Variants in BDP1 observed in about 807,000 individuals in gnomAD.
BDP1 encodes the protein BDP1 general transcription factor IIIB subunit, also known as transcription factor TFIIIB component B'' homolog.
In BDP1, 169 loss-of-function variants were observed where a neutral mutation model predicts 266.6. The observed-to-expected ratio is 0.63, with a 90% CI of 0.56 to 0.72. BDP1 has a LOEUF of 0.72. Ranked by LOEUF, BDP1 falls within the 30% of genes least tolerant of loss-of-function variation. The probability of loss-of-function intolerance (pLI) is 0.00; values close to 1 mark genes in which losing one functional copy is unlikely to be tolerated. For missense variants in BDP1, 3,015 were observed against 3,053.8 expected (o/e 0.99, Z 0.30); for synonymous variants, 1,090 against 1,022.4 (o/e 1.07, Z -1.26).
In BDP1 at chr5:71,486,360, A is replaced by G; in HGVS notation, c.1070-124A>G. The G allele has an allele frequency of 1.4e-5, 10 of 734,878 alleles. No homozygotes were observed. The South Asian group carries it at 1.9e-4, about 14-fold the overall frequency. 45.5% of individuals were successfully genotyped at this position (734,878 alleles called of 1,614,324 possible). A position where few individuals can be genotyped will look rare whatever the true frequency, so the allele number is the denominator to read the frequency against. On this transcript the variant is annotated intron_variant, in intron 8 of 38. Transcript: ENST00000358731. Reference sequence around the variant, plus strand: ...GTTGCTGAGTGGTGTTCTGTTGTGTATTTGTTTTTCTGTTCTCCTACTGAT... The same window carrying G: ...GTTGCTGAGTGGTGTTCTGTTGTGTGTTTGTTTTTCTGTTCTCCTACTGAT...
Position 71,512,406 on chromosome 5 carries a change from C to A in BDP1, c.4225C>A (p.Gln1409Lys). 1.3e-6 allele frequency: 2 copies of A among 1,560,602 alleles called. No individual in the cohort carries two copies. The highest frequency in any genetic ancestry group is 2.2e-5 in the Admixed American group (1 of 45,202). The change falls in exon 18 of 39, where the codon CAG (glutamine) becomes AAG (lysine). Residue 1409 changes from glutamine (Q) to lysine (K), a missense_variant. Physicochemically the swap from Gln to Lys is moderately conservative, Grantham distance 53 (BLOSUM62 1). This residue lies in a region of BDP1 where 2,383 missense variants were observed against 2,404.9 expected (regional missense o/e 0.99). Transcript: ENST00000358731. ...GATTCAATCTCCAGATGTTCCAGAG[C>A]AGTTTTCAGATATTAATTTAAGGTA... is the stretch of plus-strand genomic sequence containing the variant. ...QGIQSPDVPE[Q>K]FSDINLSKSL...
chr5:71,466,338 T>C (rs1238759811), intron 5 of BDP1, 117 bp downstream of exon 5: 2 of 1,075,380 alleles, frequency 1.9e-6, no homozygotes, highest in East Asian at 4.9e-5. Flanking sequence ...GACGTTCTTA[T>C]TTGCATAATG....
intron 11 of BDP1, among the ~76,000 whole-genome samples, chr5:71,491,948 T>C (rs1763622103): frequency 6.6e-6 from 1 of 152,168 alleles, no homozygotes; most frequent in Non-Finnish European, 1.5e-5. Context: ...TGAACTGAGC[T>C]CAGGTGATCC....
chr5:71,510,684 A>C lies in BDP1; in HGVS notation c.3592A>C (p.Thr1198Pro), dbSNP rs374077239. Residue 1198 changes from threonine (T) to proline (P), a missense_variant, in exon 17 of 39, where the codon ACA becomes CCA. Transcript: ENST00000358731. Reference sequence around the variant, plus strand: ...GATTGATGCTGCTGAGGTAATAGAGACAGATTTGGAAGAAACTGAAAGAGA... The same window carrying C: ...GATTGATGCTGCTGAGGTAATAGAGCCAGATTTGGAAGAAACTGAAAGAGA... ...EVIDAAEVIE[T>P]DLEETEREIS... is the part of the protein sequence containing the mutation. 2 of 1,613,496 alleles carry C rather than the reference A, an allele frequency of 1.2e-6. No individual in the cohort carries two copies. Among genetic ancestry groups the C allele is most frequent in the African/African-American group, 1.3e-5 (1 of 74,802 alleles).
At position 71,524,176 on chromosome 5, in the gene BDP1, T is replaced by A. The variant is rs768367091; in HGVS notation, c.5625T>A (p.Asp1875Glu). 4.3e-6 allele frequency: 7 copies of A among 1,613,966 alleles called. No homozygotes were observed. The African/African-American group carries it at 9.4e-5, about 22-fold the overall frequency. ...CTCTTCGGGCTTCCCAGGAAGAAGA[T>A]GATGATGCTGACGATTTTGAGTCTG... is the stretch of plus-strand genomic sequence containing the variant. Reference protein sequence around the residue: ...LVTLRASQEEDDDADDFESDY... With the variant: ...LVTLRASQEEEDDADDFESDY... Residue 1875 changes from aspartate (D) to glutamate (E), a missense_variant, in exon 25 of 39, where the codon GAT becomes GAA. By Grantham distance (45) the Asp-to-Glu change is conservative. Coordinates refer to ENST00000358731, the MANE Select transcript of BDP1 (RefSeq NM_018429.3).
intron 17 of BDP1, 192 bp downstream of exon 17, chr5:71,511,343 T>TA: frequency 1.6e-6 from 1 of 620,974 alleles, no homozygotes; most frequent in Non-Finnish European, 2.7e-6. Context: ...AAAGATAACT[T>TA]TAGGCTGGGC....
At chr5:71,511,589 G>T (rs1764923472) in intron 17 of BDP1, among the ~76,000 whole-genome samples, 1 of 152,204 alleles carries the variant, frequency 6.6e-6, no homozygotes, top group African/African-American at 2.4e-5. Flanking sequence ...TGAGGCTGCA[G>T]TGAGCTGTGA....
chr5:71,496,816 C>G lies in BDP1; in HGVS notation c.1800-454C>G, dbSNP rs368879933. Among the ~76,000 whole-genome samples the G allele has an allele frequency of 9.8e-5, 15 of 152,326 alleles. 1 individual carries two copies. The highest frequency in any genetic ancestry group is 3.6e-4 in the African/African-American group (15 of 41,582). ...CAGGCTGGTCTCGAACTCCTGACCT[C>G]AGGTGATCCACCTGCCTCAGCCTCC... On this transcript the variant is annotated intron_variant, in intron 12 of 38. Transcript: ENST00000358731.
chr5:71,549,588 A>G lies in BDP1; in HGVS notation c.6977A>G (p.Glu2326Gly). Residue 2326 changes from glutamate (E) to glycine (G), a missense_variant, in exon 34 of 39, where the codon GAA becomes GGA. Around this residue, in one of 3 missense-constraint regions of BDP1, gnomAD observed 629 missense variants for 632.5 expected, o/e 0.99. Coordinates refer to ENST00000358731, the MANE Select transcript of BDP1 (RefSeq NM_018429.3). ...APILVKSVNT[E>G]ERGDMSICLP... ...ATATTGGTCAAATCAGTGAATACCG[A>G]AGAAAGGGGTGACATGAGGTAACGA... 1 of 1,603,862 alleles carries G rather than the reference A, an allele frequency of 6.2e-7. No individual in the cohort carries two copies. Among genetic ancestry groups the G allele is most frequent in the Non-Finnish European group, 8.5e-7 (1 of 1,176,204 alleles).
In BDP1 at chr5:71,490,998, A is replaced by C. The variant is rs769358815; in HGVS notation, c.1507A>C (p.Ile503Leu). The C allele has an allele frequency of 1.9e-6, 3 of 1,607,460 alleles. No homozygotes were observed. Among genetic ancestry groups the C allele is most frequent in the Non-Finnish European group, 1.7e-6 (2 of 1,177,416 alleles). Residue 503 changes from isoleucine to leucine, a missense_variant, in exon 11 of 39, where the codon ATA becomes CTA. By Grantham distance (5) the Ile-to-Leu change is conservative. This residue lies in a region of BDP1 where 2,383 missense variants were observed against 2,404.9 expected (regional missense o/e 0.99). Coordinates refer to ENST00000358731, the MANE Select transcript of BDP1 (RefSeq NM_018429.3). ...GEKHKNKCQA[I>L]RPELKEGECS... ...TGTATTTGTAGATAAATGTCAGGCT[A>C]TAAGGCCTGAGCTAAAGGAAGGTGA... is the stretch of plus-strand genomic sequence containing the variant.
At chr5:71,460,065 A>G (rs1761447501) in intron 2 of BDP1, among the ~76,000 whole-genome samples, 1 of 152,230 alleles carries the variant, frequency 6.6e-6, no homozygotes, top group Admixed American at 6.5e-5. Context: ...AAATGAGTCA[A>G]TACATGTAAA....
Position 71,522,502 on chromosome 5 carries a change from CAAAA to C in BDP1, c.5193+25_5193+28del, listed in dbSNP as rs34331239. The C allele has an allele frequency of 6.1e-5, 87 of 1,433,792 alleles. No homozygotes were observed. Among genetic ancestry groups the C allele is most frequent in the African/African-American group, 3.2e-4 (20 of 63,484 alleles). 88.8% of individuals were successfully genotyped at this position (1,433,792 alleles called of 1,614,324 possible). A position where few individuals can be genotyped will look rare whatever the true frequency, so the allele number is the denominator to read the frequency against. On this transcript the variant is annotated intron_variant, in intron 23 of 38. Transcript: ENST00000358731. ...AGCTCCTTCTAAAAGTAAGTTTGGG[CAAAA>C]AAAAAAAAAAAATTTTTTTTCTCAA... is the stretch of plus-strand genomic sequence containing the variant.
intron 13 of BDP1, among the ~76,000 whole-genome samples, chr5:71,500,545 T>C (rs1561713302): frequency 6.6e-6 from 1 of 151,926 alleles, no homozygotes; most frequent in Non-Finnish European, 1.5e-5. Context: ...CAGGCTGCTC[T>C]CGAACTTCTG....
chr5:71,543,309 C>T (rs1767083017), intron 30 of BDP1, among the ~76,000 whole-genome samples: 1 of 151,984 alleles, frequency 6.6e-6, no homozygotes, highest in Admixed American at 6.6e-5. Flanking sequence ...AAAAGAAAAT[C>T]AGGCTGGGCA....
At chr5:71,523,083 G>A in intron 24 of BDP1, 134 bp downstream of exon 24, 1 of 591,254 alleles carries the variant, frequency 1.7e-6, no homozygotes, top group Non-Finnish European at 2.9e-6. Flanking sequence ...CCAAAGAGGA[G>A]TATGTATGTA....
rs564127239 is a variant in BDP1, at chr5:71,562,195, CAAAAAAAAAAAAAAA to C, written c.7497-65_7497-51del. On this transcript the variant is annotated intron_variant, in intron 37 of 38. Coordinates refer to ENST00000358731, the MANE Select transcript of BDP1 (RefSeq NM_018429.3). ...CCTGGGTGAGAGTGAGACTGCGTCTCAAAAAAAAAAAAAAAAAAAAAAAAAAAAGAATGTGTCTTC... is the reference window on the plus strand; with the variant it reads ...CCTGGGTGAGAGTGAGACTGCGTCTCAAAAAAAAAAAAAGAATGTGTCTTC... 1.2e-3 allele frequency: 574 copies of C among 459,516 alleles called. 5 individuals carry two copies. The African/African-American group carries it at 0.022, about 17-fold the overall frequency. 28.5% of individuals were successfully genotyped at this position (459,516 alleles called of 1,614,324 possible).
intron 6 of BDP1, among the ~76,000 whole-genome samples, chr5:71,467,884 G>A (rs1304182175): frequency 6.6e-6 from 1 of 152,076 alleles, no homozygotes; most frequent in East Asian, 1.9e-4. Flanking sequence ...TGATTGCCGA[G>A]GCTGGAGTGC....
the BDP1 span, among the ~76,000 whole-genome samples, chr5:71,576,930 G>C: frequency 2.0e-5 from 3 of 152,202 alleles, no homozygotes; most frequent in East Asian, 5.8e-4. Context: ...TCCAATAATA[G>C]CAATAGTAAG....
At chr5:71,488,516 C>G (rs997162306) in intron 9 of BDP1, among the ~76,000 whole-genome samples, 1 of 151,536 alleles carries the variant, frequency 6.6e-6, no homozygotes, top group African/African-American at 2.4e-5. Context: ...GCAGCCTCCA[C>G]CTCTCCAGTT....
Sources: allele counts gnomAD v4.1 joint callset (sites outside exome capture counted in the v4.1 genomes callset), GRCh38; gene constraint gnomAD v4.1.1; regional missense constraint gnomAD v4.1.1; transcripts MANE v1.5; gene names NCBI Gene and HGNC (gene_info 2026-07-23, HGNC 2026-07-21).